ZNF891: variants seen among roughly 807,000 people sequenced by gnomAD.
ZNF891 encodes the protein hCG1646157.
For missense variants in ZNF891, 589 were observed against 632.7 expected, an observed-to-expected ratio of 0.93 and a Z score of 0.74; for synonymous variants, 199 against 209.0, an observed-to-expected ratio of 0.95 and a Z score of 0.41.
Position 133,117,037 on chromosome 12 carries a change from A to C in ZNF891, c.*3247T>G, listed in dbSNP as rs968526894. On this transcript the variant is annotated 3_prime_UTR_variant, in exon 2 of 2. Transcript: ENST00000537226. The stretch of plus-strand genomic sequence containing the variant: ...TTCCTTGCTATCTTTTATTTAAATG[A>C]CCTCTCCTCAATCACATAGACTTTG... The C allele has an allele frequency of 5.3e-5, 8 of 151,956 alleles. No individual in the cohort carries two copies. Among genetic ancestry groups the C allele is most frequent in the Admixed American group, 4.6e-4 (7 of 15,244 alleles). 9.4% of individuals were successfully genotyped at this position (151,956 alleles called of 1,614,324 possible).
intron 1 of ZNF891, among the ~76,000 whole-genome samples, chr12:133,128,854 A>G (rs1955845347): frequency 6.6e-6 from 1 of 151,640 alleles, no homozygotes; most frequent in Admixed American, 6.6e-5. Context: ...AATTAAGAGC[A>G]AAACTTACTG....
At chr12:133,127,064 A>C (rs1490187818) in intron 1 of ZNF891, among the ~76,000 whole-genome samples, 2 of 142,980 alleles carry the variant, frequency 1.4e-5, no homozygotes, top group African/African-American at 5.2e-5. Flanking sequence ...TCCCGGGTTT[A>C]AGCAATTCTC....
rs1272280198 is a variant in ZNF891 at position 133,105,308 on chromosome 12, C to T, written c.*14976G>A. 6.6e-6 allele frequency among the ~76,000 whole-genome samples: 1 copy of T among 152,178 alleles called. No homozygotes were observed. The highest frequency in any genetic ancestry group is 1.5e-5 in the Non-Finnish European group (1 of 68,030). The stretch of plus-strand genomic sequence containing the variant: ...TTTCAATTACTTACGTTTACACTTT[C>T]TCTTTATTTACCTATATGTCTATCT... On this transcript the variant is annotated 3_prime_UTR_variant, in exon 2 of 2. Transcript: ENST00000537226.
At chr12:133,127,376 A>G (rs1437698249) in intron 1 of ZNF891, among the ~76,000 whole-genome samples, 4 of 152,232 alleles carry the variant, frequency 2.6e-5, no homozygotes, top group Admixed American at 6.5e-5. Flanking sequence ...TGAATACCAA[A>G]GAGCTCCAAG....
chr12:133,117,882 T>C lies in ZNF891; in HGVS notation c.*2402A>G, dbSNP rs924542781. On this transcript the variant is annotated 3_prime_UTR_variant, in exon 2 of 2. Transcript: ENST00000537226. ...TGATCTTCACTTGGCTGTATATGTT[T>C]ACCTTTTTAGACTTCATCTAATTGG... The C allele has an allele frequency of 6.6e-6, 1 of 152,158 alleles. No individual in the cohort carries two copies. The highest frequency in any genetic ancestry group is 1.5e-5 in the Non-Finnish European group (1 of 68,034). The allele number at this position is 152,158 out of a possible 1,614,324, so 9.4% of individuals were successfully genotyped here. A position where few individuals can be genotyped will look rare whatever the true frequency, so the allele number is the denominator to read the frequency against.
chr12:133,123,810 A>G (rs1955788207), intron 1 of ZNF891, among the ~76,000 whole-genome samples: 1 of 151,750 alleles, frequency 6.6e-6, no homozygotes, highest in Non-Finnish European at 1.5e-5. Context: ...TTGTAGTAAA[A>G]GATATTAAGA....
In ZNF891 at chr12:133,121,635, A is replaced by T. The variant is rs1177327521; in HGVS notation, c.284T>A (p.Leu95Ter). 4 of 1,536,396 alleles carry T rather than the reference A, an allele frequency of 2.6e-6. No homozygotes were observed. Among genetic ancestry groups the T allele is most frequent in the Non-Finnish European group, 3.5e-6 (4 of 1,146,960 alleles). ...CATATTCCTTATCTCTTCTTGATCC[A>T]ATGGGGAGATCACAGTAAGCCTGTA... is the stretch of plus-strand genomic sequence containing the variant. ...QLYRLTVISP[L>*]DQEEIRNMKK... The change falls in exon 2 of 2, where the codon TTG (leucine) becomes TAG (stop). Residue 95 changes from leucine to a stop codon, truncating the protein, a stop_gained. Transcript: ENST00000537226. LOFTEE classifies it low-confidence loss of function (END_TRUNC).
rs978769745 is a variant in ZNF891, at chr12:133,106,352, T to C, written c.*13932A>G. The C allele has an allele frequency of 6.8e-6, 11 of 1,614,034 alleles. No individual in the cohort carries two copies. The highest frequency in any genetic ancestry group is 3.3e-4 in the Middle Eastern group (2 of 6,084). ...TCATGCTGGAGAAAAGCTCTATGAA[T>C]GTGATGAATGTGGTAAAGTTTTCAC... On this transcript the variant is annotated 3_prime_UTR_variant, in exon 2 of 2. Transcript: ENST00000537226.
rs959427840 is a variant in ZNF891, at chr12:133,122,114, C to A, written c.-106-90G>T. On this transcript the variant is annotated intron_variant, in intron 1 of 1. Coordinates refer to ENST00000537226, the MANE Select transcript of ZNF891 (RefSeq NM_001277291.2). ...AGGTGAATACAAAATTGTAGACCCT[C>A]CCCATTACCTCTCAGCAAGGTCTAA... 2.2e-6 allele frequency: 3 copies of A among 1,356,002 alleles called. No homozygotes were observed. The African/African-American group carries it at 4.4e-5, about 20-fold the overall frequency. 84.0% of individuals were successfully genotyped at this position (1,356,002 alleles called of 1,614,324 possible).
At chr12:133,127,025 C>A (rs1955825090) in intron 1 of ZNF891, among the ~76,000 whole-genome samples, 1 of 137,204 alleles carries the variant, frequency 7.3e-6, no homozygotes, top group Non-Finnish European at 1.5e-5. Flanking sequence ...AGTGCAGTGG[C>A]ACAATCTCGG....
In ZNF891 at chr12:133,120,663, A is replaced by C. The variant is rs765874181; in HGVS notation, c.1256T>G (p.Leu419Arg). The C allele has an allele frequency of 3.2e-6, 5 of 1,557,898 alleles. No individual in the cohort carries two copies. Among genetic ancestry groups the C allele is most frequent in the Admixed American group, 1.9e-5 (1 of 51,544 alleles). Residue 419 changes from leucine (L) to arginine (R), a missense_variant, in exon 2 of 2, where the codon CTT becomes CGT. Coordinates refer to ENST00000537226, the MANE Select transcript of ZNF891 (RefSeq NM_001277291.2). ...AGTGTGTATTCTCTTGTGCACTATA[A>C]GGTAAGAGCTTGTGCCAAAGGATTT... is the stretch of plus-strand genomic sequence containing the variant. ...CGKSFGTSSY[L>R]IVHKRIHTGE...
intron 1 of ZNF891, among the ~76,000 whole-genome samples, chr12:133,126,501 C>G (rs1298087927): frequency 2.2e-3 from 296 of 137,170 alleles, no homozygotes; most frequent in Non-Finnish European, 4.1e-3. Flanking sequence ...AAAAGATAAA[C>G]TTAAGGAACT....
Position 133,108,224 on chromosome 12 carries a change from A to G in ZNF891, c.*12060T>C, listed in dbSNP as rs1359456498. On this transcript the variant is annotated 3_prime_UTR_variant, in exon 2 of 2. Transcript: ENST00000537226. ...TTGATTTTCTCAAGCAGCATGCCTT[A>G]TTACATATGGGTATTTAATATCTGA... 6.8e-6 allele frequency: 1 copy of G among 148,140 alleles called. No homozygotes were observed. The highest frequency in any genetic ancestry group is 1.5e-5 in the Non-Finnish European group (1 of 67,910). 9.2% of individuals were successfully genotyped at this position (148,140 alleles called of 1,614,324 possible).
chr12:133,127,449 G>GT (rs1393779497), intron 1 of ZNF891, among the ~76,000 whole-genome samples: 3 of 152,216 alleles, frequency 2.0e-5, no homozygotes, highest in African/African-American at 7.2e-5. Flanking sequence ...AACAGTAACA[G>GT]TAACACTGCT....
In ZNF891 at chr12:133,117,045, T is replaced by C. The variant is rs562539736; in HGVS notation, c.*3239A>G. 11 of 152,354 alleles carry C rather than the reference T, an allele frequency of 7.2e-5. No homozygotes were observed. The highest frequency in any genetic ancestry group is 2.2e-4 in the African/African-American group (9 of 41,580). The allele number at this position is 152,354 out of a possible 1,614,324, so 9.4% of individuals were successfully genotyped here. On this transcript the variant is annotated 3_prime_UTR_variant, in exon 2 of 2. Transcript: ENST00000537226. Reference sequence around the variant, plus strand: ...TATCTTTTATTTAAATGACCTCTCCTCAATCACATAGACTTTGCTACTTGC... The same window carrying C: ...TATCTTTTATTTAAATGACCTCTCCCCAATCACATAGACTTTGCTACTTGC...
At position 133,106,507 on chromosome 12, in the gene ZNF891, G is replaced by A. The variant is rs1195268011; in HGVS notation, c.*13777C>T. 3 of 1,613,968 alleles carry A rather than the reference G, an allele frequency of 1.9e-6. No individual in the cohort carries two copies. The highest frequency in any genetic ancestry group is 2.5e-6 in the Non-Finnish European group (3 of 1,180,022). On this transcript the variant is annotated 3_prime_UTR_variant, in exon 2 of 2. Transcript: ENST00000537226. Reference sequence around the variant, plus strand: ...TACATCAGAGAACTCATACTGGAGAGAAACCCTATGTATGTAAGGTATGCA... The same window carrying A: ...TACATCAGAGAACTCATACTGGAGAAAAACCCTATGTATGTAAGGTATGCA...
intron 1 of ZNF891, among the ~76,000 whole-genome samples, chr12:133,128,990 G>C (rs939771373): frequency 1.3e-5 from 2 of 151,588 alleles, no homozygotes; most frequent in African/African-American, 4.9e-5. Flanking sequence ...AAAAGGCCTA[G>C]ATAATTAGGT....
chr12:133,122,970 T>C (rs1593828420), intron 1 of ZNF891, among the ~76,000 whole-genome samples: 1 of 152,194 alleles, frequency 6.6e-6, no homozygotes, highest in Non-Finnish European at 1.5e-5. Flanking sequence ...AAATAACATA[T>C]AGCGTAAATA....
rs1955724400 is a variant in ZNF891 at position 133,117,933 on chromosome 12, T to C, written c.*2351A>G. ...ATCCCTAAGTAACACTAAAAACATTTACCTTCACCTTCCTTTTTTTTTTTT... is the reference window on the plus strand; with the variant it reads ...ATCCCTAAGTAACACTAAAAACATTCACCTTCACCTTCCTTTTTTTTTTTT... On this transcript the variant is annotated 3_prime_UTR_variant, in exon 2 of 2. Transcript: ENST00000537226. 6.7e-6 allele frequency: 1 copy of C among 149,012 alleles called. No individual in the cohort carries two copies. Among genetic ancestry groups the C allele is most frequent in the African/African-American group, 2.5e-5 (1 of 39,878 alleles). The allele number at this position is 149,012 out of a possible 1,614,324, so 9.2% of individuals were successfully genotyped here.
Sources: allele counts gnomAD v4.1 joint callset (sites outside exome capture counted in the v4.1 genomes callset), GRCh38; gene constraint gnomAD v4.1.1; transcripts MANE v1.5; gene names NCBI Gene and HGNC (gene_info 2026-07-23, HGNC 2026-07-21).